The following C8orf34 variants were observed in gnomAD, a reference collection of about 807,000 sequenced individuals.
The protein encoded by C8orf34 is uncharacterized protein C8orf34.
In C8orf34, 65 loss-of-function variants were observed where a neutral mutation model predicts 68.3. The observed-to-expected ratio is 0.95, with a 90% CI of 0.78 to 1.17. The LOEUF (loss-of-function observed/expected upper bound fraction) is 1.17, where lower values mean the gene tolerates loss of function less well. Ranked by LOEUF, C8orf34 falls within the 50% of genes most tolerant of loss-of-function variation. The probability of loss-of-function intolerance (pLI) is 0.00; values close to 1 mark genes in which losing one functional copy is unlikely to be tolerated. For synonymous variants in C8orf34, 244 were observed against 241.2 expected, an observed-to-expected ratio of 1.01 and a Z score of -0.11; for missense variants, 664 against 655.4, an observed-to-expected ratio of 1.01 and a Z score of -0.14.
At position 68,747,583 on chromosome 8, in the gene C8orf34, C is replaced by T. The variant is rs1234879233; in HGVS notation, c.1404+26146C>T. 2.8e-3 allele frequency among the ~76,000 whole-genome samples: 429 copies of T among 151,578 alleles called. 2 individuals are homozygous for T. The highest frequency in any genetic ancestry group is 0.01 in the African/African-American group (416 of 41,220). On this transcript the variant is annotated intron_variant, in intron 10 of 13. Transcript: ENST00000518698. ...TACAAAAATCACAAGCATTCTTATA[C>T]ACCAATAACAGACAAACAGAGAACC...
chr8:68,581,786 G>T (rs1412888022), intron 7 of C8orf34, among the ~76,000 whole-genome samples: 1 of 152,100 alleles, frequency 6.6e-6, no homozygotes, highest in South Asian at 2.1e-4. Flanking sequence ...CATTTCTGTT[G>T]CAGGGGCAAG....
At chr8:68,603,201 G>A (rs956728180) in intron 7 of C8orf34, among the ~76,000 whole-genome samples, 18 of 152,044 alleles carry the variant, frequency 1.2e-4, no homozygotes, top group African/African-American at 4.3e-4. Flanking sequence ...CTCCCCCTTG[G>A]CTAGGACCAA....
chr8:68,652,243 T>C lies in C8orf34; in HGVS notation c.1241+11732T>C, dbSNP rs1198210658. ...TGGAGAAGTATCTATTTCAATTCCT[T>C]ACTCATTTTTAATTTGGGCTATTGT... On this transcript the variant is annotated intron_variant, in intron 8 of 13. Coordinates refer to ENST00000518698, the MANE Select transcript of C8orf34 (RefSeq NM_052958.4). Among the ~76,000 whole-genome samples, 6 of 152,230 alleles carry C rather than the reference T, an allele frequency of 3.9e-5. No homozygotes were observed. In the South Asian group the frequency reaches 6.2e-4, roughly 16 times the overall value.
intron 5 of C8orf34, among the ~76,000 whole-genome samples, chr8:68,511,072 C>A (rs1814251512): frequency 6.6e-6 from 1 of 152,194 alleles, no homozygotes; most frequent in Non-Finnish European, 1.5e-5. Context: ...GGTAAAATAA[C>A]CACTTTCTCC....
intron 12 of C8orf34, among the ~76,000 whole-genome samples, chr8:68,802,053 A>G (rs1824343725): frequency 6.6e-6 from 1 of 152,214 alleles, no homozygotes; most frequent in South Asian, 2.1e-4. Context: ...GCATTATATT[A>G]TAAATATTTT....
chr8:68,637,724 A>G (rs189463782), intron 7 of C8orf34, among the ~76,000 whole-genome samples: 102 of 152,302 alleles, frequency 6.7e-4, no homozygotes, highest in Non-Finnish European at 1.0e-3. Flanking sequence ...TTATAATAAT[A>G]GGGTTTTTTT....
intron 1 of C8orf34, among the ~76,000 whole-genome samples, chr8:68,414,093 T>C (rs1809559579): frequency 6.6e-6 from 1 of 152,220 alleles, no homozygotes; most frequent in East Asian, 1.9e-4. Context: ...TTCTAGTTTT[T>C]ACCTTGAGGC....
intron 10 of C8orf34, among the ~76,000 whole-genome samples, chr8:68,762,536 A>G (rs1411834144): frequency 1.3e-5 from 2 of 152,192 alleles, no homozygotes; most frequent in East Asian, 3.9e-4. Flanking sequence ...AGATTCCCAG[A>G]CTTGGCAGGA....
rs562064494 is a variant in C8orf34, at chr8:68,574,494, G to A, written c.1105+41345G>A. On this transcript the variant is annotated intron_variant, in intron 7 of 13. Transcript: ENST00000518698. ...TTTTAAAAATTTAGCATATAGAAAA[G>A]GTCATCTCTGCTGTACTTCATTGTG... Among the ~76,000 whole-genome samples the A allele has an allele frequency of 1.9e-3, 289 of 152,012 alleles. 2 individuals carry two copies. The highest frequency in any genetic ancestry group is 6.4e-3 in the African/African-American group (265 of 41,508).
At chr8:68,669,934 T>C (rs1179162402) in intron 8 of C8orf34, among the ~76,000 whole-genome samples, 2 of 152,194 alleles carry the variant, frequency 1.3e-5, no homozygotes, top group African/African-American at 4.8e-5. Flanking sequence ...TTGAAGACAG[T>C]AACATGAATG....
chr8:68,434,279 C>T (rs1810565439), intron 1 of C8orf34, among the ~76,000 whole-genome samples: 1 of 152,126 alleles, frequency 6.6e-6, no homozygotes, highest in Non-Finnish European at 1.5e-5. Flanking sequence ...AGGTATTTGT[C>T]CTAATGCTCT....
intron 4 of C8orf34, among the ~76,000 whole-genome samples, chr8:68,472,640 C>T (rs992253122): frequency 6.6e-6 from 1 of 152,068 alleles, no homozygotes; most frequent in African/African-American, 2.4e-5. Context: ...TTCAGCTAAG[C>T]ATTTTCCAGT....
rs150041402 is a variant in C8orf34, at chr8:68,787,441, A to T, written c.1456-2A>T. ...ATCTAAAATAAATGTGTTCTTTTGCAGGATGAATCCTTAAAGCAATTGCAG... is the reference window on the plus strand; with the variant it reads ...ATCTAAAATAAATGTGTTCTTTTGCTGGATGAATCCTTAAAGCAATTGCAG... On this transcript the variant is annotated splice_acceptor_variant, in intron 11 of 13. Coordinates refer to ENST00000518698, the MANE Select transcript of C8orf34 (RefSeq NM_052958.4). LOFTEE classifies it high-confidence loss of function. 21 of 1,605,724 alleles carry T rather than the reference A, an allele frequency of 1.3e-5. No homozygotes were observed. Among genetic ancestry groups the T allele is most frequent in the Non-Finnish European group, 1.6e-5 (19 of 1,174,770 alleles).
At chr8:68,676,753 A>G (rs1375164570) in intron 8 of C8orf34, among the ~76,000 whole-genome samples, 1 of 152,218 alleles carries the variant, frequency 6.6e-6, no homozygotes, top group Non-Finnish European at 1.5e-5. Flanking sequence ...TGATAAAGAC[A>G]TACCTGAGAC....
At chr8:68,744,148 C>A (rs915826469) in intron 10 of C8orf34, among the ~76,000 whole-genome samples, 2 of 152,178 alleles carry the variant, frequency 1.3e-5, no homozygotes, top group African/African-American at 2.4e-5. Flanking sequence ...CGGCTGGGTA[C>A]TCCAACAGAC....
chr8:68,552,497 G>T (rs1000176154), intron 7 of C8orf34, among the ~76,000 whole-genome samples: 2 of 152,076 alleles, frequency 1.3e-5, no homozygotes, highest in Non-Finnish European at 2.9e-5. Context: ...TTCATTGACA[G>T]TGTGTAGAAC....
intron 8 of C8orf34, among the ~76,000 whole-genome samples, chr8:68,690,250 A>G (rs1820647296): frequency 6.6e-6 from 1 of 151,986 alleles, no homozygotes; most frequent in Non-Finnish European, 1.5e-5. Flanking sequence ...TGGACATTTG[A>G]AAACTATTGT....
At chr8:68,615,377 A>G (rs1586455144) in intron 7 of C8orf34, among the ~76,000 whole-genome samples, 1 of 151,434 alleles carries the variant, frequency 6.6e-6, no homozygotes, top group East Asian at 1.9e-4. Context: ...CAGTTTTCAA[A>G]GGGAATGCTT....
intron 4 of C8orf34, among the ~76,000 whole-genome samples, chr8:68,485,064 A>G (rs181274751): frequency 1.2e-4 from 19 of 152,326 alleles, no homozygotes; most frequent in Admixed American, 3.3e-4. Context: ...ATTACTTCTT[A>G]GTACTGAAAT....
Sources: gnomAD v4.1 joint callset for allele counts (sites outside exome capture counted in the v4.1 genomes callset) on GRCh38, gnomAD v4.1.1 for gene constraint, MANE v1.5 for transcripts, NCBI Gene and HGNC (gene_info 2026-07-23, HGNC 2026-07-21) for gene names.